Variants in ZNF385D observed in about 807,000 individuals in gnomAD.
ZNF385D encodes zinc finger protein 659.
Under a neutral mutation model 35.8 loss-of-function variants are expected in ZNF385D, and 15 were observed. The observed-to-expected ratio is 0.42, with a 90% CI of 0.28 to 0.64. The LOEUF (loss-of-function observed/expected upper bound fraction) is 0.64. ZNF385D is among the 30% of genes least tolerant of loss of function. The pLI is 0.23. For synonymous variants in ZNF385D, 212 were observed against 186.8 expected (o/e 1.13, Z -1.10); for missense variants, 474 against 494.6 (o/e 0.96, Z 0.39).
intron 7 of ZNF385D, among the ~76,000 whole-genome samples, chr3:21,422,874 C>G (rs1285715690): frequency 6.6e-6 from 1 of 152,122 alleles, no homozygotes; most frequent in East Asian, 1.9e-4. Flanking sequence ...AACCCACAAC[C>G]AACATCATAC....
chr3:21,617,876 G>A lies in ZNF385D; in HGVS notation c.165+47010C>T, dbSNP rs1276427322. On this transcript the variant is annotated intron_variant, in intron 2 of 7. Coordinates refer to ENST00000281523, the MANE Select transcript of ZNF385D (RefSeq NM_024697.3). ...CCCCTAAGAAGTTGTGTGCAGCCAG[G>A]GAAGTTACTTTTAAGCTTTCTGTAG... 4.6e-5 allele frequency among the ~76,000 whole-genome samples: 7 copies of A among 152,186 alleles called. No individual in the cohort carries two copies. In the South Asian group the frequency reaches 6.2e-4, roughly 14 times the overall value.
chr3:22,114,962 G>C (rs1168183680), intron 3 of ZNF385D, among the ~76,000 whole-genome samples: 2 of 152,060 alleles, frequency 1.3e-5, no homozygotes, highest in Non-Finnish European at 2.9e-5. Flanking sequence ...CTAAATGCTA[G>C]CTTCTTGATC....
At chr3:21,829,415 C>A in intron 3 of ZNF385D, among the ~76,000 whole-genome samples, 1 of 152,004 alleles carries the variant, frequency 6.6e-6, no homozygotes, top group East Asian at 1.9e-4. Flanking sequence ...TATTTTAGGA[C>A]AGAAAAAGGC....
At chr3:22,143,382 G>T (rs1704649876) in intron 3 of ZNF385D, among the ~76,000 whole-genome samples, 2 of 151,984 alleles carry the variant, frequency 1.3e-5, no homozygotes, top group African/African-American at 4.8e-5. Context: ...CCAAAATCGG[G>T]CATGTGTTTT....
At chr3:22,287,466 C>A (rs921394065) in intron 2 of ZNF385D, among the ~76,000 whole-genome samples, 2 of 151,814 alleles carry the variant, frequency 1.3e-5, no homozygotes, top group Non-Finnish European at 2.9e-5. Context: ...GCTGTCTTTG[C>A]GGCTTAATGG....
At chr3:21,566,345 C>T (rs563664009) in intron 2 of ZNF385D, among the ~76,000 whole-genome samples, 83 of 152,246 alleles carry the variant, frequency 5.5e-4, no homozygotes, top group African/African-American at 2.0e-3. Context: ...AAATTATAGG[C>T]CAGGCACGAT....
chr3:22,178,637 T>G (rs1398199735), intron 2 of ZNF385D, among the ~76,000 whole-genome samples: 1 of 152,210 alleles, frequency 6.6e-6, no homozygotes, highest in East Asian at 1.9e-4. Flanking sequence ...TTTTGGTGTT[T>G]TAGACATGAA....
intron 3 of ZNF385D, among the ~76,000 whole-genome samples, chr3:21,927,275 T>G (rs550046294): frequency 2.1e-5 from 3 of 142,068 alleles, no homozygotes; most frequent in Non-Finnish European, 4.5e-5. Flanking sequence ...ATAAATCTCT[T>G]TTTTTTTAAT....
chr3:21,992,387 C>T (rs1033359448), intron 3 of ZNF385D, among the ~76,000 whole-genome samples: 10 of 152,184 alleles, frequency 6.6e-5, no homozygotes, highest in Admixed American at 5.2e-4. Flanking sequence ...TAGATGACAG[C>T]AGCTGGAGGA....
chr3:21,954,230 G>A (rs1702187663), intron 3 of ZNF385D, among the ~76,000 whole-genome samples: 1 of 151,742 alleles, frequency 6.6e-6, no homozygotes, highest in Non-Finnish European at 1.5e-5. Flanking sequence ...TTATAACAAT[G>A]ACAACTTCAA....
chr3:21,729,214 G>A (rs1228512540), intron 1 of ZNF385D, among the ~76,000 whole-genome samples: 1 of 152,098 alleles, frequency 6.6e-6, no homozygotes, highest in African/African-American at 2.4e-5. Flanking sequence ...AAGGATTCAA[G>A]TATTCCTTAC....
chr3:22,146,500 G>A (rs1704863894), intron 3 of ZNF385D, among the ~76,000 whole-genome samples: 1 of 151,932 alleles, frequency 6.6e-6, no homozygotes, highest in African/African-American at 2.4e-5. Context: ...ATCTACTTAG[G>A]TCCTATTAAA....
chr3:21,941,655 G>A (rs1274862313), intron 3 of ZNF385D, among the ~76,000 whole-genome samples: 1 of 151,714 alleles, frequency 6.6e-6, no homozygotes, highest in Non-Finnish European at 1.5e-5. Context: ...CCGCCACCAC[G>A]TCCGGATAAT....
intron 1 of ZNF385D, among the ~76,000 whole-genome samples, chr3:21,716,429 T>C (rs2068321277): frequency 6.6e-6 from 1 of 152,168 alleles, no homozygotes; most frequent in Non-Finnish European, 1.5e-5. Flanking sequence ...GCACATCTCC[T>C]ATAACTCTGT....
chr3:22,119,684 G>T (rs1259849576), intron 3 of ZNF385D, among the ~76,000 whole-genome samples: 1 of 152,056 alleles, frequency 6.6e-6, no homozygotes, highest in Non-Finnish European at 1.5e-5. Context: ...AGCCTCTTAG[G>T]CAGTGGTAGA....
rs138703533 is a variant in ZNF385D, at chr3:21,451,739, C to T, written c.440-14536G>A. ...AATCTTCAAATAAATTTTGTATCCA[C>T]TTCTCTGTTTTTATCCTCAGTATAG... is the stretch of plus-strand genomic sequence containing the variant. On this transcript the variant is annotated intron_variant, in intron 4 of 7. Coordinates refer to ENST00000281523, the MANE Select transcript of ZNF385D (RefSeq NM_024697.3). 7.9e-5 allele frequency among the ~76,000 whole-genome samples: 12 copies of T among 152,204 alleles called. No individual in the cohort carries two copies. In the East Asian group the frequency reaches 1.9e-3, roughly 24 times the overall value.
At chr3:21,459,241 G>C (rs1343208456) in intron 4 of ZNF385D, 1 of 152,132 alleles carries the variant, frequency 6.6e-6, no homozygotes, top group East Asian at 1.9e-4. Flanking sequence ...TAGAAGTTTG[G>C]TGATTCCTTC....
At chr3:22,219,965 A>G (rs1698152176) in intron 2 of ZNF385D, among the ~76,000 whole-genome samples, 1 of 152,048 alleles carries the variant, frequency 6.6e-6, no homozygotes, top group Non-Finnish European at 1.5e-5. Context: ...TTTATTTTCT[A>G]ATTAACTTTC....
chr3:22,338,444 CCTT>C (rs949994594), intron 2 of ZNF385D, among the ~76,000 whole-genome samples: 29 of 151,068 alleles, frequency 1.9e-4, no homozygotes, highest in Admixed American at 1.4e-3. Context: ...TGTAGATTGC[CCTT>C]TTTTTGGAAA....
Sources: allele counts gnomAD v4.1 joint callset (sites outside exome capture counted in the v4.1 genomes callset), GRCh38; gene constraint gnomAD v4.1.1; transcripts MANE v1.5; gene names NCBI Gene and HGNC (gene_info 2026-07-23, HGNC 2026-07-21).